Variants in GRID2 observed in about 807,000 individuals in gnomAD.
GRID2 encodes the protein glutamate receptor ionotropic, delta-2.
GRID2 carries 33 observed loss-of-function variants against 114.8 expected under a neutral mutation model. That is an observed-to-expected ratio of 0.29 (90% confidence interval 0.22 to 0.38). The LOEUF is 0.38. GRID2 is among the 10% of genes least tolerant of loss of function. The probability of loss-of-function intolerance (pLI) is 1.00; values close to 1 mark genes in which losing one functional copy is unlikely to be tolerated. For missense variants in GRID2, 1,184 were observed against 1,257.7 expected (o/e 0.94, Z 0.89); for synonymous variants, 505 against 449.9 (o/e 1.12, Z -1.55).
At chr4:92,454,166 G>A (rs1721090872) in intron 1 of GRID2, among the ~76,000 whole-genome samples, 1 of 152,074 alleles carries the variant, frequency 6.6e-6, no homozygotes. Context: ...GAGTGTCTAA[G>A]TCATAAATGT....
intron 2 of GRID2, among the ~76,000 whole-genome samples, chr4:92,982,042 AAAAG>A (rs1422836334): frequency 6.2e-5 from 7 of 112,626 alleles, no homozygotes; most frequent in African/African-American, 1.8e-4. Context: ...AAAAAAAAAA[AAAAG>A]AAAAAGAAAA....
intron 13 of GRID2, among the ~76,000 whole-genome samples, chr4:93,550,490 A>G (rs1733653142): frequency 1.3e-5 from 2 of 152,318 alleles, no homozygotes; most frequent in South Asian, 4.1e-4. Context: ...AACATTTATG[A>G]AAAAGTCATC....
At chr4:92,781,823 C>T (rs1271655758) in intron 2 of GRID2, among the ~76,000 whole-genome samples, 5 of 151,946 alleles carry the variant, frequency 3.3e-5, no homozygotes, top group African/African-American at 9.7e-5. Flanking sequence ...TGGAGCTGTA[C>T]ATTCGAGATA....
At chr4:92,888,501 T>C (rs1488818651) in intron 2 of GRID2, among the ~76,000 whole-genome samples, 1 of 152,010 alleles carries the variant, frequency 6.6e-6, no homozygotes, top group Non-Finnish European at 1.5e-5. Context: ...TTATTAAGGA[T>C]GAGAATGTAA....
At chr4:93,132,833 C>CG (rs1734925501) in intron 4 of GRID2, among the ~76,000 whole-genome samples, 2 of 152,244 alleles carry the variant, frequency 1.3e-5, no homozygotes, top group South Asian at 4.1e-4. Context: ...CAGTACTCAG[C>CG]GTGCTGTGAA....
At chr4:93,069,180 C>T (rs1402238764) in intron 2 of GRID2, among the ~76,000 whole-genome samples, 4 of 151,704 alleles carry the variant, frequency 2.6e-5, no homozygotes, top group Non-Finnish European at 5.9e-5. Context: ...GATTACATTT[C>T]AACATTAGTT....
intron 2 of GRID2, among the ~76,000 whole-genome samples, chr4:92,691,487 C>A (rs995504307): frequency 6.6e-6 from 1 of 152,028 alleles, no homozygotes; most frequent in Non-Finnish European, 1.5e-5. Flanking sequence ...CTGAAGGGAG[C>A]GATGGCATTG....
At chr4:93,209,872 A>G (rs1273914958) in intron 5 of GRID2, among the ~76,000 whole-genome samples, 3 of 152,110 alleles carry the variant, frequency 2.0e-5, no homozygotes, top group African/African-American at 7.2e-5. Flanking sequence ...GCTTTCTTTC[A>G]TATGATTATT....
intron 2 of GRID2, among the ~76,000 whole-genome samples, chr4:92,741,625 C>A (rs1736896753): frequency 6.6e-6 from 1 of 152,176 alleles, no homozygotes; most frequent in Non-Finnish European, 1.5e-5. Context: ...CACCTACTTT[C>A]ATGTCTGCAA....
chr4:92,377,458 C>T (rs763605209), intron 1 of GRID2, among the ~76,000 whole-genome samples: 13 of 152,124 alleles, frequency 8.5e-5, no homozygotes, highest in Admixed American at 2.6e-4. Context: ...CCAAACTTGC[C>T]CACATTTTCC....
Position 92,960,952 on chromosome 4 carries a change from A to C in GRID2, c.245-124043A>C, listed in dbSNP as rs1752755728. On this transcript the variant is annotated intron_variant, in intron 2 of 15. Coordinates refer to ENST00000282020, the MANE Select transcript of GRID2 (RefSeq NM_001510.4). ...TAAGTTATTTTTAGTGGTTGCTCTGAAGTTTGCAATATAAATTTACAACTA... is the reference window on the plus strand; with the variant it reads ...TAAGTTATTTTTAGTGGTTGCTCTGCAGTTTGCAATATAAATTTACAACTA... Among the ~76,000 whole-genome samples the C allele has an allele frequency of 1.3e-5, 2 of 151,822 alleles. 1 individual carries two copies. The highest frequency in any genetic ancestry group is 4.1e-4 in the South Asian group (2 of 4,822).
intron 13 of GRID2, among the ~76,000 whole-genome samples, chr4:93,598,103 A>G (rs1025010855): frequency 2.0e-5 from 3 of 152,170 alleles, no homozygotes; most frequent in Non-Finnish European, 4.4e-5. Flanking sequence ...CATGACAACT[A>G]TCCAAGTTAG....
chr4:92,792,608 T>C (rs1271431946), intron 2 of GRID2, among the ~76,000 whole-genome samples: 2 of 151,736 alleles, frequency 1.3e-5, no homozygotes, highest in East Asian at 1.9e-4. Context: ...TGTAGACCCA[T>C]ATGGTTCTTG....
chr4:92,793,458 T>G (rs1451919175), intron 2 of GRID2, among the ~76,000 whole-genome samples: 1 of 151,520 alleles, frequency 6.6e-6, no homozygotes, highest in African/African-American at 2.4e-5. Context: ...GCTTAACACC[T>G]GGGAGATGAA....
chr4:92,619,116 G>T (rs1330664392), intron 2 of GRID2, among the ~76,000 whole-genome samples: 1 of 151,568 alleles, frequency 6.6e-6, no homozygotes, highest in Non-Finnish European at 1.5e-5. Flanking sequence ...TTAATGGTCA[G>T]CCAAGGATTA....
chr4:92,724,105 G>T (rs1435476747), intron 2 of GRID2, among the ~76,000 whole-genome samples: 1 of 152,016 alleles, frequency 6.6e-6, no homozygotes, highest in Non-Finnish European at 1.5e-5. Context: ...ATGGTACATG[G>T]TACTATAAGA....
Position 92,507,411 on chromosome 4 carries a change from A to C in GRID2, c.89-82720A>C, listed in dbSNP as rs953505017. On this transcript the variant is annotated intron_variant, in intron 1 of 15. Coordinates refer to ENST00000282020, the MANE Select transcript of GRID2 (RefSeq NM_001510.4). ...CTGCTACTAATGTGCTTTCTCGTGT[A>C]TAATTGTGTGTGTGTGTGTGTGTGT... is the stretch of plus-strand genomic sequence containing the variant. 2.1e-4 allele frequency among the ~76,000 whole-genome samples: 22 copies of C among 105,406 alleles called. No homozygotes were observed. The East Asian group carries it at 4.9e-3, about 23-fold the overall frequency. The allele number at this position is 105,406 out of a possible 152,430, so 69.2% of individuals were successfully genotyped here. A position where few individuals can be genotyped will look rare whatever the true frequency, so the allele number is the denominator to read the frequency against.
intron 13 of GRID2, among the ~76,000 whole-genome samples, chr4:93,527,838 A>G (rs13145972): frequency 0.21 from 32,496 of 151,918 alleles, 3,818 homozygotes; most frequent in Middle Eastern, 0.34. Context: ...GCAAAACTAA[A>G]ACTCTGTACC....
At chr4:93,048,183 A>G (rs1726345663) in intron 2 of GRID2, among the ~76,000 whole-genome samples, 1 of 152,000 alleles carries the variant, frequency 6.6e-6, no homozygotes, top group African/African-American at 2.4e-5. Context: ...GCTGGCTAGC[A>G]GCTCATGTCA....
Sources: allele counts gnomAD v4.1 joint callset (sites outside exome capture counted in the v4.1 genomes callset), GRCh38; gene constraint gnomAD v4.1.1; transcripts MANE v1.5; gene names NCBI Gene and HGNC (gene_info 2026-07-23, HGNC 2026-07-21).